Variants in PCDHA3 observed in about 807,000 individuals in gnomAD.
PCDHA3 encodes protocadherin alpha 3, also known as protocadherin alpha-3.
Under a neutral mutation model 62.2 loss-of-function variants are expected in PCDHA3, and 41 were observed. That is an observed-to-expected ratio of 0.66 (90% CI 0.51 to 0.86). The LOEUF is 0.86. Ranked by LOEUF, PCDHA3 falls within the 40% of genes least tolerant of loss-of-function variation. The pLI is 0.00. For synonymous variants in PCDHA3, 640 were observed against 555.4 expected (o/e 1.15, Z -2.14); for missense variants, 1,304 against 1,241.2 (o/e 1.05, Z -0.76).
rs1475078197 is a variant in PCDHA3, at chr5:140,845,480, C to A, written c.2394+41889C>A. On this transcript the variant is annotated intron_variant, in intron 1 of 3. Coordinates refer to ENST00000522353, the MANE Select transcript of PCDHA3 (RefSeq NM_018906.3). ...TCTGATATTTGAATTTGGGGTTGTG[C>A]TTTCACAGTGAGAAAGTCTAAACCT... is the stretch of plus-strand genomic sequence containing the variant. 1.3e-5 allele frequency among the ~76,000 whole-genome samples: 2 copies of A among 149,578 alleles called. 1 individual carries two copies. Among genetic ancestry groups the A allele is most frequent in the South Asian group, 4.2e-4 (2 of 4,742 alleles).
At position 140,982,510 on chromosome 5, in the gene PCDHA3, C is replaced by T; in HGVS notation, c.2489C>T (p.Ala830Val). 6.2e-7 allele frequency: 1 copy of T among 1,614,170 alleles called. No homozygotes were observed. The highest frequency in any genetic ancestry group is 8.5e-7 in the Non-Finnish European group (1 of 1,180,020). The change falls in exon 3 of 4, where the codon GCT becomes GTT. Residue 830 changes from alanine to valine, a missense_variant. Ala to Val is a moderately conservative substitution (Grantham distance 64, BLOSUM62 0). Coordinates refer to ENST00000522353, the MANE Select transcript of PCDHA3 (RefSeq NM_018906.3). ...CTAGAGGAGGCTGGCATTCTACGGGCTGGTCCAGGAGGGCCTGATCAGCAG... is the reference window on the plus strand; with the variant it reads ...CTAGAGGAGGCTGGCATTCTACGGGTTGGTCCAGGAGGGCCTGATCAGCAG... ...VHLEEAGILR[A>V]GPGGPDQQWP...
Position 140,857,884 on chromosome 5 carries a change from G to C in PCDHA3, c.2394+54293G>C, listed in dbSNP as rs782097827. 60 of 1,597,656 alleles carry C rather than the reference G, an allele frequency of 3.8e-5. 6 individuals carry two copies. Among genetic ancestry groups the C allele is most frequent in the Non-Finnish European group, 5.0e-5 (58 of 1,167,502 alleles). On this transcript the variant is annotated intron_variant, in intron 1 of 3. Transcript: ENST00000522353. ...CGTGGCTGTCGTATGAATTGCAGTC[G>C]GCGGCGGTTGGTGCACGCATCCCGT...
rs2150465616 is a variant in PCDHA3, at chr5:140,850,062, T to C, written c.2394+46471T>C. ...CGGCAAGGTGTACGCGCTGCAGCCG[T>C]TGGACCACGAGGAGCTGGAGCTGCT... On this transcript the variant is annotated intron_variant, in intron 1 of 3. Transcript: ENST00000522353. 1.4e-4 allele frequency: 229 copies of C among 1,596,236 alleles called. 16 individuals are homozygous for C. The highest frequency in any genetic ancestry group is 1.1e-3 in the East Asian group (50 of 44,828).
Position 140,927,144 on chromosome 5 carries a change from A to T in PCDHA3, c.2395-51805A>T, listed in dbSNP as rs116743674. 1.1e-5 allele frequency: 18 copies of T among 1,614,102 alleles called. No individual in the cohort carries two copies. The South Asian group carries it at 1.9e-4, about 17-fold the overall frequency. On this transcript the variant is annotated intron_variant, in intron 1 of 3. Transcript: ENST00000522353. Reference sequence around the variant, plus strand: ...TGGTCAGAGAGCCGGCGGACCGCGAACAGCTGTGCAGGGCCAAAGCTGCCT... The same window carrying T: ...TGGTCAGAGAGCCGGCGGACCGCGATCAGCTGTGCAGGGCCAAAGCTGCCT...
intron 1 of PCDHA3, among the ~76,000 whole-genome samples, chr5:140,918,680 C>T (rs1291001659): frequency 6.6e-6 from 1 of 152,084 alleles, no homozygotes; most frequent in Non-Finnish European, 1.5e-5. Flanking sequence ...GAGGTGAGAC[C>T]TTTCAAACAT....
intron 1 of PCDHA3, chr5:140,829,062 A>G (rs1250772416): frequency 6.2e-7 from 1 of 1,612,838 alleles, no homozygotes; most frequent in South Asian, 1.1e-5. Context: ...GACGCCACGG[A>G]CAAAGGCCAT....
chr5:140,822,547 A>G lies in PCDHA3; in HGVS notation c.2394+18956A>G, dbSNP rs2150117174. 1.1e-3 allele frequency: 1,829 copies of G among 1,613,676 alleles called. 13 individuals carry two copies. In the African/African-American group the frequency reaches 0.022, roughly 19 times the overall value. On this transcript the variant is annotated intron_variant, in intron 1 of 3. Coordinates refer to ENST00000522353, the MANE Select transcript of PCDHA3 (RefSeq NM_018906.3). ...ATTGTTGGAAAATGCACCAAGTGGGACATTAGTTATTAAACTGAACGCCTC... is the reference window on the plus strand; with the variant it reads ...ATTGTTGGAAAATGCACCAAGTGGGGCATTAGTTATTAAACTGAACGCCTC...
intron 1 of PCDHA3, chr5:140,869,468 A>T (rs1221686748): frequency 1.9e-5 from 31 of 1,614,054 alleles, no homozygotes; most frequent in Non-Finnish European, 2.6e-5. Flanking sequence ...GTGAACGTGG[A>T]GGTGAAGGAC....
At chr5:140,834,481 A>G in intron 1 of PCDHA3, 6 of 1,614,090 alleles carry the variant, frequency 3.7e-6, no homozygotes, top group Non-Finnish European at 5.1e-6. Flanking sequence ...CAGCTCCACT[A>G]CTCGGTCCCC....
chr5:140,885,293 G>C (rs945786135), intron 1 of PCDHA3, among the ~76,000 whole-genome samples: 8 of 152,122 alleles, frequency 5.3e-5, no homozygotes, highest in Non-Finnish European at 1.5e-5. Context: ...TATAGAGAGA[G>C]ACCTGGTAGG....
chr5:140,914,852 C>T (rs2076867528), intron 1 of PCDHA3, among the ~76,000 whole-genome samples: 1 of 151,838 alleles, frequency 6.6e-6, no homozygotes, highest in Non-Finnish European at 1.5e-5. Flanking sequence ...AAAAGGAAGA[C>T]TAATAAAAGT....
intron 1 of PCDHA3, chr5:140,968,827 C>T (rs1398985109): frequency 1.2e-6 from 2 of 1,614,094 alleles, no homozygotes; most frequent in Non-Finnish European, 1.7e-6. Context: ...TTTCCAAAAT[C>T]CTCCCTGACA....
chr5:140,949,537 C>A (rs1359504503), intron 1 of PCDHA3, among the ~76,000 whole-genome samples: 1 of 151,692 alleles, frequency 6.6e-6, no homozygotes, highest in African/African-American at 2.4e-5. Flanking sequence ...CATAAAATAT[C>A]GATTTGTTGC....
intron 1 of PCDHA3, chr5:140,929,493 A>G: frequency 9.4e-7 from 1 of 1,059,368 alleles, no homozygotes; most frequent in Non-Finnish European, 1.3e-6. Flanking sequence ...GTATTAGAAG[A>G]TTGCCCTAGG....
chr5:140,991,227 A>G (rs1172819040), intron 3 of PCDHA3, among the ~76,000 whole-genome samples: 2 of 152,224 alleles, frequency 1.3e-5, no homozygotes, highest in African/African-American at 4.8e-5. Flanking sequence ...TCATTAATAA[A>G]TGCAGTGGTA....
chr5:140,871,755 T>C (rs2053292269), intron 1 of PCDHA3, among the ~76,000 whole-genome samples: 1 of 152,248 alleles, frequency 6.6e-6, no homozygotes. Context: ...AGAAATGAGA[T>C]GCAAGAGTGA....
At chr5:140,970,006 A>G (rs2096376265) in intron 1 of PCDHA3, among the ~76,000 whole-genome samples, 1 of 152,158 alleles carries the variant, frequency 6.6e-6, no homozygotes, top group Non-Finnish European at 1.5e-5. Context: ...GAGGGAGTGG[A>G]TGATGGTGAG....
chr5:140,822,344 T>A, intron 1 of PCDHA3: 1 of 1,614,076 alleles, frequency 6.2e-7, no homozygotes, highest in African/African-American at 1.3e-5. Context: ...GAAACGAACT[T>A]TTTAGAGCTG....
chr5:140,858,436 G>T (rs781811192), intron 1 of PCDHA3: 1 of 1,542,522 alleles, frequency 6.5e-7, no homozygotes, highest in Admixed American at 2.0e-5. Flanking sequence ...ACTCTAGGAA[G>T]GTGGGTTATT....
Sources: gnomAD v4.1 joint callset for allele counts (sites outside exome capture counted in the v4.1 genomes callset) on GRCh38, gnomAD v4.1.1 for gene constraint, MANE v1.5 for transcripts, NCBI Gene and HGNC (gene_info 2026-07-23, HGNC 2026-07-21) for gene names.